The following ETNK1 variants were observed in gnomAD, a reference collection of about 807,000 sequenced individuals.
ETNK1 encodes ethanolamine kinase 1.
A neutral mutation model predicts 45.1 loss-of-function variants in ETNK1; 8 were observed. The ratio of observed to expected loss-of-function variants is 0.18; its 90% CI spans 0.10 to 0.32. The LOEUF (loss-of-function observed/expected upper bound fraction) is 0.32. ETNK1 is among the 10% of genes least tolerant of loss of function. The pLI is 1.00. For missense variants in ETNK1, 302 were observed against 430.6 expected, an observed-to-expected ratio of 0.70 and a Z score of 2.64; for synonymous variants, 152 against 151.9, an observed-to-expected ratio of 1.00 and a Z score of -0.01.
At chr12:22,683,437 A>C (rs2137579807) in intron 6 of ETNK1, among the ~76,000 whole-genome samples, 1 of 152,184 alleles carries the variant, frequency 6.6e-6, no homozygotes, top group East Asian at 1.9e-4. Flanking sequence ...AGTGCTTTTT[A>C]AATAGAGATC....
Position 22,643,970 on chromosome 12 carries a change from A to T in ETNK1, c.364A>T (p.Ile122Leu), listed in dbSNP as rs1468035566. 6.2e-7 allele frequency: 1 copy of T among 1,612,764 alleles called. No individual in the cohort carries two copies. The highest frequency in any genetic ancestry group is 8.5e-7 in the Non-Finnish European group (1 of 1,178,978). ...CAATAATGGACTATGCTATGAATTTATACAAGGAGAAGCACTGGATCCAAA... is the reference window on the plus strand; with the variant it reads ...CAATAATGGACTATGCTATGAATTTTTACAAGGAGAAGCACTGGATCCAAA... ...TFNNGLCYEFIQGEALDPKHV... is the reference protein window; with the variant it reads ...TFNNGLCYEFLQGEALDPKHV... Residue 122 changes from isoleucine (I) to leucine (L), a missense_variant, in exon 2 of 8, where the codon ATA becomes TTA. Coordinates refer to ENST00000266517, the MANE Select transcript of ETNK1 (RefSeq NM_018638.5).
chr12:22,627,160 T>TAA (rs1555217728), intron 1 of ETNK1, among the ~76,000 whole-genome samples: 3 of 151,938 alleles, frequency 2.0e-5, no homozygotes, highest in African/African-American at 7.3e-5. Context: ...ATTTTTTTTT[T>TAA]ATCTTAGTCG....
chr12:22,628,339 T>C (rs1411247596), intron 1 of ETNK1, among the ~76,000 whole-genome samples: 1 of 152,042 alleles, frequency 6.6e-6, no homozygotes, highest in Non-Finnish European at 1.5e-5. Flanking sequence ...GGAAGGTGCT[T>C]CTGTATAAAA....
intron 4 of ETNK1, among the ~76,000 whole-genome samples, chr12:22,666,957 T>C (rs1029553327): frequency 6.6e-6 from 1 of 152,184 alleles, no homozygotes; most frequent in African/African-American, 2.4e-5. Context: ...ATTGGTACTT[T>C]TAAAAAATTT....
At position 22,656,899 on chromosome 12, in the gene ETNK1, G is replaced by A. The variant is rs568554520; in HGVS notation, c.417-2115G>A. ...ATATAATATTCTGTTGACATAGATT[G>A]CCCCTTGTGTTTCATGTAACACAGA... On this transcript the variant is annotated intron_variant, in intron 2 of 7. Transcript: ENST00000266517. The A allele has an allele frequency of 1.7e-3, 1,239 of 743,314 alleles. 1 individual carries two copies. Among genetic ancestry groups the A allele is most frequent in the Non-Finnish European group, 2.0e-3 (1,192 of 608,926 alleles). 46.0% of individuals were successfully genotyped at this position (743,314 alleles called of 1,614,324 possible).
At chr12:22,680,987 G>A (rs1200074203) in intron 6 of ETNK1, among the ~76,000 whole-genome samples, 1 of 146,104 alleles carries the variant, frequency 6.8e-6, no homozygotes, top group African/African-American at 2.5e-5. Context: ...ACAGGGGTAA[G>A]TAGTCTAGAA....
chr12:22,661,280 A>G (rs1351477368), intron 4 of ETNK1, 75 bp downstream of exon 4: 1 of 1,302,622 alleles, frequency 7.7e-7, no homozygotes, highest in East Asian at 2.5e-5. Flanking sequence ...CTCTATATCA[A>G]CAAAATAAAT....
chr12:22,639,582 C>T (rs1023087812), intron 1 of ETNK1, among the ~76,000 whole-genome samples: 1 of 151,858 alleles, frequency 6.6e-6, no homozygotes, highest in Admixed American at 6.6e-5. Context: ...GAGGCTGAGG[C>T]AGGAGAGTCA....
intron 4 of ETNK1, among the ~76,000 whole-genome samples, chr12:22,664,605 G>A (rs1954036450): frequency 6.6e-6 from 1 of 151,976 alleles, no homozygotes; most frequent in African/African-American, 2.4e-5. Flanking sequence ...TAACACTTAT[G>A]GCAGCAATTT....
Position 22,625,349 on chromosome 12 carries a change from A to C in ETNK1, c.-82A>C, listed in dbSNP as rs1953473959. On this transcript the variant is annotated 5_prime_UTR_variant, in exon 1 of 8. Coordinates refer to ENST00000266517, the MANE Select transcript of ETNK1 (RefSeq NM_018638.5). Reference sequence around the variant, plus strand: ...CGCGAGGGCGCCCCGGGACGGAAGGATCCACCAGTCTGTCGGCGCCCGCCG... The same window carrying C: ...CGCGAGGGCGCCCCGGGACGGAAGGCTCCACCAGTCTGTCGGCGCCCGCCG... The C allele has an allele frequency of 1.3e-6, 2 of 1,568,012 alleles. No individual in the cohort carries two copies. The highest frequency in any genetic ancestry group is 2.3e-5 in the South Asian group (2 of 87,012).
rs572660840 is a variant in ETNK1, at chr12:22,653,040, A to G, written c.417-5974A>G. 2.6e-5 allele frequency among the ~76,000 whole-genome samples: 4 copies of G among 152,216 alleles called. No individual in the cohort carries two copies. In the South Asian group the frequency reaches 8.3e-4, roughly 32 times the overall value. ...TGGTGTAAGGAAAGGGTCCAGCTTC[A>G]TTCTTTTGGATGTGGATATCTAGTT... On this transcript the variant is annotated intron_variant, in intron 2 of 7. Coordinates refer to ENST00000266517, the MANE Select transcript of ETNK1 (RefSeq NM_018638.5).
chr12:22,628,355 T>G (rs1165054640), intron 1 of ETNK1, among the ~76,000 whole-genome samples: 1 of 152,096 alleles, frequency 6.6e-6, no homozygotes, highest in Admixed American at 6.5e-5. Context: ...TAAAATTAAT[T>G]TCTTAAAAGC....
At position 22,684,994 on chromosome 12, in the gene ETNK1, T is replaced by C; in HGVS notation, c.*40T>C. On this transcript the variant is annotated 3_prime_UTR_variant, in exon 8 of 8. Transcript: ENST00000266517. ...TATTCTCCAGTAGCTGAGCAATGCT[T>C]GTGAATCTTTTCTTAAGAAATCCCA... 1.4e-6 allele frequency: 2 copies of C among 1,409,350 alleles called. No individual in the cohort carries two copies. The highest frequency in any genetic ancestry group is 2.0e-6 in the Non-Finnish European group (2 of 1,025,472). 87.3% of individuals were successfully genotyped at this position (1,409,350 alleles called of 1,614,324 possible).
chr12:22,642,125 GA>G (rs1371280809), intron 1 of ETNK1, among the ~76,000 whole-genome samples: 23 of 152,060 alleles, frequency 1.5e-4, no homozygotes, highest in African/African-American at 4.8e-4. Context: ...TGAAGATTCA[GA>G]AAATGGAGAT....
chr12:22,678,324 A>G (rs1430024414), intron 6 of ETNK1, among the ~76,000 whole-genome samples: 1 of 152,226 alleles, frequency 6.6e-6, no homozygotes, highest in African/African-American at 2.4e-5. Flanking sequence ...GGTAAGGCTT[A>G]CCAATCATGA....
Position 22,671,360 on chromosome 12 carries a change from A to G in ETNK1, c.784+5A>G. 3.9e-6 allele frequency: 6 copies of G among 1,528,566 alleles called. No homozygotes were observed. Among genetic ancestry groups the G allele is most frequent in the Non-Finnish European group, 5.4e-6 (6 of 1,103,178 alleles). 94.7% of individuals were successfully genotyped at this position (1,528,566 alleles called of 1,614,324 possible). On this transcript the variant is annotated splice_donor_5th_base_variant and intron_variant, in intron 5 of 7. Coordinates refer to ENST00000266517, the MANE Select transcript of ETNK1 (RefSeq NM_018638.5). ...ATCATTTCAATGAATTTGCAGGTAT[A>G]ACTAATGGAGTAACTTATTTAGCTT... is the stretch of plus-strand genomic sequence containing the variant.
intron 6 of ETNK1, 152 bp downstream of exon 6, chr12:22,673,812 C>T (rs1954134869): frequency 1.3e-6 from 1 of 776,352 alleles, no homozygotes; most frequent in Admixed American, 2.9e-5. Context: ...TATGCATTAC[C>T]CCATTGCATT....
At chr12:22,640,646 C>T (rs1024652409) in intron 1 of ETNK1, among the ~76,000 whole-genome samples, 1 of 151,958 alleles carries the variant, frequency 6.6e-6, no homozygotes, top group East Asian at 1.9e-4. Flanking sequence ...GTTCTAAGTA[C>T]TTTTATGTGT....
chr12:22,628,937 C>G (rs1002250978), intron 1 of ETNK1, among the ~76,000 whole-genome samples: 3 of 152,054 alleles, frequency 2.0e-5, no homozygotes, highest in Non-Finnish European at 4.4e-5. Context: ...TTACAGTGCT[C>G]AAGAGCATGG....
Sources: allele counts gnomAD v4.1 joint callset (sites outside exome capture counted in the v4.1 genomes callset), GRCh38; gene constraint gnomAD v4.1.1; transcripts MANE v1.5; gene names NCBI Gene and HGNC (gene_info 2026-07-23, HGNC 2026-07-21).